JAM3: variants seen among roughly 807,000 people sequenced by gnomAD.
JAM3 encodes the protein junctional adhesion molecule C.
In JAM3, 31 loss-of-function variants were observed where a neutral mutation model predicts 39.4. The observed-to-expected ratio is 0.79, with a 90% CI of 0.59 to 1.06. The LOEUF (loss-of-function observed/expected upper bound fraction) is 1.06, where lower values mean the gene tolerates loss of function less well. JAM3 is among the 50% of genes least tolerant of loss of function. The pLI is 0.00. For synonymous variants in JAM3, 182 were observed against 148.7 expected (o/e 1.22, Z -1.63); for missense variants, 455 against 391.4 (o/e 1.16, Z -1.37).
chr11:134,124,033 C>T, intron 1 of JAM3: 1 of 1,444,070 alleles, frequency 6.9e-7, no homozygotes, highest in South Asian at 1.1e-5. Flanking sequence ...ACACAAGGCA[C>T]TGCAACACAG....
chr11:134,113,560 T>G (rs1202732024), intron 1 of JAM3, among the ~76,000 whole-genome samples: 1 of 152,224 alleles, frequency 6.6e-6, no homozygotes, highest in East Asian at 1.9e-4. Flanking sequence ...CCATGGTGTA[T>G]ATGTGCCACA....
rs1486019451 is a variant in JAM3, at chr11:134,123,110, G to A, written c.77-16741G>A. Among the ~76,000 whole-genome samples the A allele has an allele frequency of 5.9e-5, 9 of 152,104 alleles. 1 individual carries two copies. Among genetic ancestry groups the A allele is most frequent in the Non-Finnish European group, 8.8e-5 (6 of 68,006 alleles). ...GGCTACTTTGTCTAGTATTAGATAG[G>A]GTTTTGAGGAAAAGAAGCTAACATG... On this transcript the variant is annotated intron_variant, in intron 1 of 8. Coordinates refer to ENST00000299106, the MANE Select transcript of JAM3 (RefSeq NM_032801.5).
At chr11:134,111,757 A>G (rs369526269) in intron 1 of JAM3, among the ~76,000 whole-genome samples, 2 of 152,366 alleles carry the variant, frequency 1.3e-5, no homozygotes, top group South Asian at 2.1e-4. Context: ...TTCATTCCAT[A>G]TAAACAATAA....
chr11:134,075,673 T>A (rs1433711625), intron 1 of JAM3, among the ~76,000 whole-genome samples: 2 of 152,198 alleles, frequency 1.3e-5, no homozygotes, highest in African/African-American at 4.8e-5. Context: ...GGGATCCTAC[T>A]GCCTTAGCCT....
At chr11:134,103,391 C>G (rs565204144) in intron 1 of JAM3, among the ~76,000 whole-genome samples, 2,119 of 152,240 alleles carry the variant, frequency 0.014, 37 homozygotes, top group Non-Finnish European at 0.017. Context: ...ACAACCAGTA[C>G]CAGCCACTGC....
rs368063087 is a variant in JAM3 at position 134,146,953 on chromosome 11, T to A, written c.712+908T>A. On this transcript the variant is annotated intron_variant, in intron 6 of 8. Coordinates refer to ENST00000299106, the MANE Select transcript of JAM3 (RefSeq NM_032801.5). ...CCAAAACTGCCTGGTGATACCCATT[T>A]GGGACCACTGTTTCACATACAGATT... 4.6e-5 allele frequency among the ~76,000 whole-genome samples: 7 copies of A among 152,322 alleles called. No homozygotes were observed. In the South Asian group the frequency reaches 1.4e-3, roughly 32 times the overall value.
chr11:134,108,211 GAC>G (rs2120714884), intron 1 of JAM3, among the ~76,000 whole-genome samples: 1 of 152,024 alleles, frequency 6.6e-6, no homozygotes, highest in Admixed American at 6.5e-5. Context: ...TTTCTTGAAA[GAC>G]ACAACTACCA....
At chr11:134,073,017 A>G (rs1219648888) in intron 1 of JAM3, among the ~76,000 whole-genome samples, 1 of 152,258 alleles carries the variant, frequency 6.6e-6, no homozygotes, top group Non-Finnish European at 1.5e-5. Flanking sequence ...CTAGCAGTAT[A>G]TGCAAATAGC....
intron 1 of JAM3, among the ~76,000 whole-genome samples, chr11:134,106,373 A>G (rs1392341909): frequency 6.6e-6 from 1 of 151,038 alleles, no homozygotes; most frequent in Admixed American, 6.6e-5. Flanking sequence ...CTTAAATGTT[A>G]GACCTAAAAC....
intron 1 of JAM3, chr11:134,070,110 C>T: frequency 4.4e-6 from 2 of 455,582 alleles, no homozygotes; most frequent in South Asian, 3.1e-5. Context: ...CACTTTGGAG[C>T]CATTATCTCG....
chr11:134,130,373 C>T (rs1210029254), intron 1 of JAM3, among the ~76,000 whole-genome samples: 1 of 152,030 alleles, frequency 6.6e-6, no homozygotes, highest in Non-Finnish European at 1.5e-5. Flanking sequence ...AAATAAGTAA[C>T]TTTTCCAGAA....
chr11:134,084,606 G>A (rs1455430332), intron 1 of JAM3, among the ~76,000 whole-genome samples: 1 of 152,174 alleles, frequency 6.6e-6, no homozygotes, highest in African/African-American at 2.4e-5. Context: ...AAGTGGGAGA[G>A]ATTTGCTGTT....
At chr11:134,089,340 T>C (rs941883573) in intron 1 of JAM3, among the ~76,000 whole-genome samples, 1 of 152,182 alleles carries the variant, frequency 6.6e-6, no homozygotes, top group African/African-American at 2.4e-5. Flanking sequence ...CTTTAAGTTT[T>C]AGGGTACATG....
At chr11:134,144,045 G>A (rs781528087) in intron 3 of JAM3, among the ~76,000 whole-genome samples, 196 bp from the exon 4 acceptor site, 2 of 152,094 alleles carry the variant, frequency 1.3e-5, no homozygotes, top group Non-Finnish European at 2.9e-5. Context: ...ACTATTTTTG[G>A]TGTTTAGGTT....
At chr11:134,148,138 G>A (rs959212249) in intron 6 of JAM3, 6 of 242,278 alleles carry the variant, frequency 2.5e-5, no homozygotes, top group African/African-American at 6.8e-5. Context: ...TTTCTTCCCC[G>A]CAGCAATCTG....
intron 1 of JAM3, among the ~76,000 whole-genome samples, chr11:134,130,235 G>C (rs896802710): frequency 6.6e-6 from 1 of 152,130 alleles, no homozygotes; most frequent in Non-Finnish European, 1.5e-5. Context: ...GAGAATGAGA[G>C]CTCCGTTATC....
chr11:134,122,878 C>A (rs1408714800), intron 1 of JAM3, among the ~76,000 whole-genome samples: 3 of 152,208 alleles, frequency 2.0e-5, no homozygotes, highest in South Asian at 4.1e-4. Flanking sequence ...CACAATTGTA[C>A]AGGGTGTAGA....
intron 1 of JAM3, among the ~76,000 whole-genome samples, chr11:134,090,261 T>C (rs1941822884): frequency 6.6e-6 from 1 of 152,270 alleles, no homozygotes; most frequent in Admixed American, 6.5e-5. Context: ...AGGTTGCCTG[T>C]TCACTGTGAT....
At chr11:134,146,174 G>T in intron 6 of JAM3, 129 bp downstream of exon 6, 1 of 736,648 alleles carries the variant, frequency 1.4e-6, no homozygotes, top group Non-Finnish European at 2.4e-6. Flanking sequence ...AGCTGCCTAG[G>T]TCCACCAGAA....
Sources: allele counts gnomAD v4.1 joint callset (sites outside exome capture counted in the v4.1 genomes callset), GRCh38; gene constraint gnomAD v4.1.1; transcripts MANE v1.5; gene names NCBI Gene and HGNC (gene_info 2026-07-23, HGNC 2026-07-21).